Variants in KSR2 observed in about 807,000 individuals in gnomAD.
KSR2 encodes the protein kinase suppressor of ras 2.
KSR2 carries 25 observed loss-of-function variants against 107.8 expected under a neutral mutation model. The observed-to-expected ratio is 0.23, with a 90% CI of 0.17 to 0.32. The LOEUF (loss-of-function observed/expected upper bound fraction) is 0.32. KSR2 is among the 10% of genes least tolerant of loss of function. The pLI, the probability that KSR2 is intolerant of heterozygous loss-of-function variation, is 1.00. For synonymous variants in KSR2, 480 were observed against 507.0 expected (o/e 0.95, Z 0.71); for missense variants, 887 against 1,268.9 (o/e 0.70, Z 4.57).
intron 14 of KSR2, among the ~76,000 whole-genome samples, chr12:117,493,641 C>G (rs1872865594): frequency 6.6e-6 from 1 of 152,156 alleles, no homozygotes; most frequent in South Asian, 2.1e-4. Context: ...TTGCCTGGAG[C>G]CTATGATGAC....
At chr12:117,618,304 A>G (rs916093208) in intron 5 of KSR2, among the ~76,000 whole-genome samples, 1 of 151,996 alleles carries the variant, frequency 6.6e-6, no homozygotes, top group African/African-American at 2.4e-5. Flanking sequence ...TACTGGACAC[A>G]TTGATATTTA....
intron 4 of KSR2, among the ~76,000 whole-genome samples, chr12:117,686,177 T>C (rs1055393034): frequency 1.3e-5 from 2 of 149,100 alleles, no homozygotes. Flanking sequence ...GTCTTCTCAG[T>C]AGCTGGGACC....
At chr12:117,487,584 C>A (rs1387286891) in intron 14 of KSR2, among the ~76,000 whole-genome samples, 1 of 152,134 alleles carries the variant, frequency 6.6e-6, no homozygotes, top group Non-Finnish European at 1.5e-5. Flanking sequence ...AGACTGTGGG[C>A]AGAGTCCCTC....
intron 4 of KSR2, among the ~76,000 whole-genome samples, chr12:117,733,866 A>C (rs56017615): frequency 0.016 from 2,461 of 152,308 alleles, 72 homozygotes; most frequent in African/African-American, 0.056. Flanking sequence ...CCTCATAGGC[A>C]CCGAAAAATA....
At chr12:117,856,849 A>T (rs1442681604) in intron 2 of KSR2, among the ~76,000 whole-genome samples, 1 of 152,192 alleles carries the variant, frequency 6.6e-6, no homozygotes, top group Non-Finnish European at 1.5e-5. Context: ...CAGCTCCCAC[A>T]TTAAACTGAT....
chr12:117,466,449 A>C lies in KSR2; in HGVS notation c.*750T>G, dbSNP rs1215238497. 6.6e-6 allele frequency: 1 copy of C among 152,284 alleles called. No individual in the cohort carries two copies. The highest frequency in any genetic ancestry group is 1.5e-5 in the Non-Finnish European group (1 of 68,108). The allele number at this position is 152,284 out of a possible 1,614,324, so 9.4% of individuals were successfully genotyped here. A position where few individuals can be genotyped will look rare whatever the true frequency, so the allele number is the denominator to read the frequency against. ...AGGTGAAAAGGGATGCTACTCTCAGAGAACAGGAGAAAACAGCAGAAATGG... is the reference window on the plus strand; with the variant it reads ...AGGTGAAAAGGGATGCTACTCTCAGCGAACAGGAGAAAACAGCAGAAATGG... On this transcript the variant is annotated 3_prime_UTR_variant, in exon 20 of 20. Coordinates refer to ENST00000339824, the MANE Select transcript of KSR2 (RefSeq NM_173598.6).
chr12:117,930,246 C>T (rs576754568), intron 1 of KSR2, among the ~76,000 whole-genome samples: 76 of 152,106 alleles, frequency 5.0e-4, no homozygotes, highest in Admixed American at 3.3e-4. Context: ...GTTGCCCAGG[C>T]GGGTCTCAAA....
intron 4 of KSR2, among the ~76,000 whole-genome samples, chr12:117,692,714 G>A (rs992096664): frequency 6.6e-6 from 1 of 151,794 alleles, no homozygotes; most frequent in African/African-American, 2.4e-5. Flanking sequence ...TGGAATATTA[G>A]CCACCCATAA....
intron 3 of KSR2, among the ~76,000 whole-genome samples, chr12:117,833,713 T>C (rs1045263147): frequency 6.6e-6 from 1 of 152,114 alleles, no homozygotes; most frequent in African/African-American, 2.4e-5. Flanking sequence ...AGTGGCATCA[T>C]GAATATTCAG....
Position 117,539,838 on chromosome 12 carries a change from G to A in KSR2, c.1568C>T (p.Ser523Phe). Residue 523 changes from serine (S) to phenylalanine (F), a missense_variant, in exon 10 of 20, where the codon TCC becomes TTC. Around this residue, in one of 8 missense-constraint regions of KSR2, gnomAD observed 5 missense variants for 30.4 expected, o/e 0.16. Transcript: ENST00000339824. ...YQPDSSSNPS[S>F]TTSSTPSSPA... The stretch of plus-strand genomic sequence containing the variant: ...CGAGGAGGGCGTGGAGGACGTCGTG[G>A]AGGAGGGGTTGCTGCTGGAGTCTGG... The A allele has an allele frequency of 6.2e-7, 1 of 1,610,998 alleles. No homozygotes were observed. The highest frequency in any genetic ancestry group is 8.5e-7 in the Non-Finnish European group (1 of 1,178,818).
At chr12:117,614,458 T>G (rs1008016530) in intron 5 of KSR2, among the ~76,000 whole-genome samples, 1 of 152,232 alleles carries the variant, frequency 6.6e-6, no homozygotes, top group Non-Finnish European at 1.5e-5. Context: ...TTGTTTGGGC[T>G]AAATGGAAAG....
chr12:117,836,807 G>A (rs1431422248), intron 3 of KSR2, among the ~76,000 whole-genome samples: 1 of 152,222 alleles, frequency 6.6e-6, no homozygotes, highest in East Asian at 1.9e-4. Context: ...ACTTCTCATC[G>A]TAGCCATTCT....
At position 117,908,817 on chromosome 12, in the gene KSR2, G is replaced by A. The variant is rs539322122; in HGVS notation, c.181-48386C>T. Among the ~76,000 whole-genome samples, 4 of 152,250 alleles carry A rather than the reference G, an allele frequency of 2.6e-5. No individual in the cohort carries two copies. The South Asian group carries it at 8.3e-4, about 32-fold the overall frequency. On this transcript the variant is annotated intron_variant, in intron 1 of 19. Transcript: ENST00000339824. ...CACACTCAAGTTTCCACCGTGAGTCGCAGGATGTTCTCTTGAGTTATTAAG... is the reference window on the plus strand; with the variant it reads ...CACACTCAAGTTTCCACCGTGAGTCACAGGATGTTCTCTTGAGTTATTAAG...
chr12:117,790,466 G>A (rs1333432802), intron 3 of KSR2, among the ~76,000 whole-genome samples: 1 of 152,194 alleles, frequency 6.6e-6, no homozygotes, highest in Non-Finnish European at 1.5e-5. Context: ...CAATAGGGCA[G>A]AGGAAGCAAT....
intron 1 of KSR2, among the ~76,000 whole-genome samples, chr12:117,946,293 T>C (rs1264030255): frequency 2.6e-5 from 4 of 152,038 alleles, no homozygotes; most frequent in Admixed American, 1.3e-4. Flanking sequence ...AGCTGAAACC[T>C]GGTCTTTTGA....
chr12:117,793,596 TACAC>T (rs1282717314), intron 3 of KSR2, among the ~76,000 whole-genome samples: 1 of 94,148 alleles, frequency 1.1e-5, no homozygotes, highest in Non-Finnish European at 2.0e-5. Flanking sequence ...TATGCACACA[TACAC>T]CAACATGCAC....
chr12:117,487,357 G>A (rs181532340), intron 14 of KSR2, among the ~76,000 whole-genome samples: 8 of 152,214 alleles, frequency 5.3e-5, no homozygotes, highest in Admixed American at 4.6e-4. Context: ...TGCTTAAGGC[G>A]ACAGTCCCCG....
Position 117,485,580 on chromosome 12 carries a change from A to T in KSR2, c.2316+15T>A. On this transcript the variant is annotated intron_variant, in intron 15 of 19. Transcript: ENST00000339824. Reference sequence around the variant, plus strand: ...TTTCTGAGATTTAGATAGGAGGCCCAAGAGCCGACAGTACCTTCACAATTT... The same window carrying T: ...TTTCTGAGATTTAGATAGGAGGCCCTAGAGCCGACAGTACCTTCACAATTT... The T allele has an allele frequency of 6.2e-7, 1 of 1,608,596 alleles. No homozygotes were observed. Among genetic ancestry groups the T allele is most frequent in the Non-Finnish European group, 8.5e-7 (1 of 1,175,124 alleles).
intron 3 of KSR2, among the ~76,000 whole-genome samples, chr12:117,802,545 C>T (rs528588958): frequency 6.6e-6 from 1 of 152,294 alleles, no homozygotes; most frequent in African/African-American, 2.4e-5. Flanking sequence ...CCTCTCTGAG[C>T]CTCAACTTTC....
Sources: gnomAD v4.1 joint callset for allele counts (sites outside exome capture counted in the v4.1 genomes callset) on GRCh38, gnomAD v4.1.1 for gene constraint, gnomAD v4.1.1 regional missense constraint, MANE v1.5 for transcripts, NCBI Gene and HGNC (gene_info 2026-07-23, HGNC 2026-07-21) for gene names.